PHEX: variants seen among roughly 807,000 people sequenced by gnomAD.
PHEX encodes phosphate-regulating neutral endopeptidase PHEX.
A neutral mutation model predicts 68.0 loss-of-function variants in PHEX; 16 were observed. That is an observed-to-expected ratio of 0.24 (90% CI 0.16 to 0.36). The LOEUF is 0.36. Among genes scored for constraint, PHEX ranks in the 10% least tolerant of loss-of-function variants. The pLI, the probability that PHEX is intolerant of heterozygous loss-of-function variation, is 1.00. For missense variants in PHEX, 480 were observed against 575.5 expected (o/e 0.83, Z 1.70); for synonymous variants, 208 against 205.1 (o/e 1.01, Z -0.12).
intron 15 of PHEX, among the ~76,000 whole-genome samples, chrX:22,197,444 A>G (rs1289168482): frequency 9.0e-6 from 1 of 110,652 alleles, no homozygotes; most frequent in Non-Finnish European, 1.9e-5. Context: ...ACTCTGGGGG[A>G]AGCCAACCAC....
intron 8 of PHEX, among the ~76,000 whole-genome samples, 165 bp from the exon 9 acceptor site, chrX:22,098,841 G>A (rs1930281578): frequency 1.0e-5 from 1 of 95,687 alleles, no homozygotes; most frequent in Non-Finnish European, 2.0e-5. Context: ...AATAGGTCTG[G>A]ATGGCAATGA....
chrX:22,229,919 G>C (rs1935652966), intron 20 of PHEX, among the ~76,000 whole-genome samples: 1 of 111,798 alleles, frequency 8.9e-6, no homozygotes, highest in South Asian at 3.7e-4. Flanking sequence ...GTTAATTTTT[G>C]TATAAGGTGT....
intron 12 of PHEX, among the ~76,000 whole-genome samples, chrX:22,144,481 A>T (rs934584374): frequency 9.0e-6 from 1 of 111,382 alleles, no homozygotes; most frequent in African/African-American, 3.3e-5. Context: ...ATATTTTATC[A>T]TGCTGATTTC....
chrX:22,047,762 G>C (rs1484831884), intron 3 of PHEX, among the ~76,000 whole-genome samples: 1 of 111,415 alleles, frequency 9.0e-6, no homozygotes, highest in Non-Finnish European at 1.9e-5. Flanking sequence ...TGGATGCATA[G>C]AAACATACAT....
At chrX:22,243,111 C>T (rs1232895779) in intron 20 of PHEX, among the ~76,000 whole-genome samples, 1 of 111,750 alleles carries the variant, frequency 8.9e-6, no homozygotes, top group African/African-American at 3.3e-5. Context: ...GAACAGAGCC[C>T]TCAGAAATAA....
intron 20 of PHEX, among the ~76,000 whole-genome samples, chrX:22,237,893 A>T (rs1466824181): frequency 2.7e-5 from 3 of 112,820 alleles, no homozygotes; most frequent in Non-Finnish European, 5.6e-5. Flanking sequence ...TAAAGTAAGT[A>T]AGTTATGCTG....
intron 15 of PHEX, among the ~76,000 whole-genome samples, chrX:22,206,976 A>G (rs1934732738): frequency 1.8e-5 from 2 of 112,144 alleles, no homozygotes; most frequent in Non-Finnish European, 3.8e-5. Context: ...TGACTATAAA[A>G]GTCAAATAGT....
At position 22,251,054 on chromosome X, in the gene PHEX, C is replaced by G. The variant is rs911173437; in HGVS notation, c.*3101C>G. 9.8e-5 allele frequency: 11 copies of G among 112,449 alleles called. No homozygotes were observed. Among genetic ancestry groups the G allele is most frequent in the African/African-American group, 3.6e-4 (11 of 30,970 alleles). The allele number at this position is 112,449 out of a possible 1,213,427, so 9.3% of individuals were successfully genotyped here. A position where few individuals can be genotyped will look rare whatever the true frequency, so the allele number is the denominator to read the frequency against. The stretch of plus-strand genomic sequence containing the variant: ...AATCAGTATTTCTATAATCACTTAG[C>G]ATTTGATAGGCTTCTTCCTTGATAC... On this transcript the variant is annotated 3_prime_UTR_variant, in exon 22 of 22. Coordinates refer to ENST00000379374, the MANE Select transcript of PHEX (RefSeq NM_000444.6).
At chrX:22,038,235 ACTTAT>A (rs1437821973) in intron 1 of PHEX, among the ~76,000 whole-genome samples, 1 of 110,621 alleles carries the variant, frequency 9.0e-6, no homozygotes, top group Non-Finnish European at 1.9e-5. Flanking sequence ...AGTTATACTC[ACTTAT>A]CTTACGTACG....
At chrX:22,199,208 T>C (rs193252133) in intron 15 of PHEX, among the ~76,000 whole-genome samples, 2 of 111,072 alleles carry the variant, frequency 1.8e-5, no homozygotes, top group East Asian at 5.7e-4. Context: ...GAGGGACAGA[T>C]TGCAGCCACT....
chrX:22,073,796 T>A (rs1298147699), intron 3 of PHEX, among the ~76,000 whole-genome samples: 1 of 109,009 alleles, frequency 9.2e-6, no homozygotes, highest in Non-Finnish European at 1.9e-5. Context: ...TGCGCCACCA[T>A]ACCCGGCTAA....
At chrX:22,150,545 A>G (rs1048888318) in intron 12 of PHEX, among the ~76,000 whole-genome samples, 5 of 112,022 alleles carry the variant, frequency 4.5e-5, no homozygotes, top group African/African-American at 1.6e-4. Context: ...ATAAAACTTT[A>G]TTTACAACAC....
chrX:22,224,886 A>G (rs1038663948), intron 18 of PHEX, among the ~76,000 whole-genome samples: 2 of 15,101 alleles, frequency 1.3e-4, no homozygotes, highest in African/African-American at 5.6e-4. Context: ...AGCAAGGTAT[A>G]TTAGTTTTCT....
intron 10 of PHEX, among the ~76,000 whole-genome samples, chrX:22,113,902 A>G (rs904872876): frequency 6.1e-5 from 6 of 98,102 alleles, no homozygotes; most frequent in Non-Finnish European, 8.3e-5. Context: ...AAGGATACAT[A>G]TATTATTTTA....
At chrX:22,193,869 A>G (rs1359528116) in intron 15 of PHEX, among the ~76,000 whole-genome samples, 1 of 112,467 alleles carries the variant, frequency 8.9e-6, no homozygotes, top group Non-Finnish European at 1.9e-5. Flanking sequence ...GTTCCAAAGT[A>G]CAGAAGTGTT....
chrX:22,057,136 A>G (rs1298541314), intron 3 of PHEX, among the ~76,000 whole-genome samples: 1 of 112,031 alleles, frequency 8.9e-6, no homozygotes, highest in Non-Finnish European at 1.9e-5. Flanking sequence ...GTTTCTTTTT[A>G]CTTATTTAAA....
rs952548788 is a variant in PHEX, at chrX:22,181,309, G to A, written c.1586+2933G>A. ...ATAAAAGCCATTTTAACTGGGGTAA[G>A]ATGATATCTCATTGTAATTTTTGAT... is the stretch of plus-strand genomic sequence containing the variant. On this transcript the variant is annotated intron_variant, in intron 14 of 21. Transcript: ENST00000379374. 4.5e-5 allele frequency among the ~76,000 whole-genome samples: 5 copies of A among 112,030 alleles called. No individual in the cohort carries two copies. In the Admixed American group the frequency reaches 4.7e-4, roughly 11 times the overall value.
At chrX:22,181,726 T>C (rs1215728598) in intron 14 of PHEX, among the ~76,000 whole-genome samples, 3 of 112,037 alleles carry the variant, frequency 2.7e-5, no homozygotes, top group Non-Finnish European at 3.8e-5. Flanking sequence ...GAGTATCTAC[T>C]TTTTTGTGTC....
At chrX:22,045,028 TTTGTG>T (rs1927462812) in intron 2 of PHEX, among the ~76,000 whole-genome samples, 1 of 108,066 alleles carries the variant, frequency 9.3e-6, no homozygotes, top group African/African-American at 3.5e-5. Flanking sequence ...GTGTTTTTTT[TTTGTG>T]TGTGTGTGTG....
Sources: gnomAD v4.1 joint callset for allele counts (sites outside exome capture counted in the v4.1 genomes callset) on GRCh38, gnomAD v4.1.1 for gene constraint, MANE v1.5 for transcripts, NCBI Gene and HGNC (gene_info 2026-07-23, HGNC 2026-07-21) for gene names.